DLG2: variants seen among roughly 807,000 people sequenced by gnomAD.
DLG2 encodes disks large homolog 2.
Under a neutral mutation model 132.5 loss-of-function variants are expected in DLG2, and 45 were observed. That is an observed-to-expected ratio of 0.34 (90% CI 0.27 to 0.44). The LOEUF (loss-of-function observed/expected upper bound fraction) is 0.44, where lower values mean the gene tolerates loss of function less well. Among genes scored for constraint, DLG2 ranks in the 20% least tolerant of loss-of-function variants. The probability of loss-of-function intolerance (pLI) is 1.00; values close to 1 mark genes in which losing one functional copy is unlikely to be tolerated. For missense variants in DLG2, 1,045 were observed against 1,196.9 expected (o/e 0.87, Z 1.87); for synonymous variants, 424 against 419.6 (o/e 1.01, Z -0.13).
chr11:84,527,010 C>T (rs1361743801), intron 7 of DLG2, among the ~76,000 whole-genome samples: 1 of 152,090 alleles, frequency 6.6e-6, no homozygotes, highest in Non-Finnish European at 1.5e-5. Flanking sequence ...GATCTCCTGA[C>T]CTCATGATCC....
At chr11:84,379,122 C>T (rs1441172284) in intron 7 of DLG2, among the ~76,000 whole-genome samples, 1 of 152,016 alleles carries the variant, frequency 6.6e-6, no homozygotes, top group African/African-American at 2.4e-5. Context: ...AAGACATAAA[C>T]TCTAAATAAA....
chr11:84,567,139 C>T (rs1426791798), intron 6 of DLG2, among the ~76,000 whole-genome samples: 2 of 152,012 alleles, frequency 1.3e-5, no homozygotes, highest in Non-Finnish European at 2.9e-5. Flanking sequence ...GGTATAAATG[C>T]TAGCCTTTAA....
intron 10 of DLG2, among the ~76,000 whole-genome samples, chr11:84,071,570 T>C (rs982190948): frequency 1.1e-4 from 17 of 152,172 alleles, no homozygotes; most frequent in African/African-American, 3.6e-4. Context: ...TTCTACCTAA[T>C]TCTAGCCCTT....
intron 3 of DLG2, among the ~76,000 whole-genome samples, chr11:85,527,171 TTTTTA>T (rs2074824346): frequency 7.1e-6 from 1 of 141,724 alleles, no homozygotes; most frequent in African/African-American, 2.7e-5. Context: ...CTAAAGGATG[TTTTTA>T]TTTTTTTTTT....
chr11:84,299,670 C>T (rs2098130928), intron 7 of DLG2, among the ~76,000 whole-genome samples: 1 of 152,162 alleles, frequency 6.6e-6, no homozygotes, highest in Non-Finnish European at 1.5e-5. Flanking sequence ...AATTGTTATA[C>T]TTGCGTTTGA....
chr11:84,772,180 G>GGGCATTAC (rs2069537805), intron 6 of DLG2, among the ~76,000 whole-genome samples: 1 of 151,628 alleles, frequency 6.6e-6, no homozygotes, highest in African/African-American at 2.4e-5. Context: ...AAAAAAAGAA[G>GGGCATTAC]GGCATTACGT....
chr11:83,856,552 G>A (rs2060562648), intron 16 of DLG2, among the ~76,000 whole-genome samples: 1 of 152,120 alleles, frequency 6.6e-6, no homozygotes. Context: ...GTATCTCATT[G>A]TGGTTTTTTG....
chr11:84,954,962 G>A (rs10219431), intron 6 of DLG2, among the ~76,000 whole-genome samples: 16,351 of 152,142 alleles, frequency 0.11, 1,076 homozygotes, highest in Middle Eastern at 0.15. Context: ...AATATTTCTG[G>A]TTTTGTGAGC....
chr11:84,173,687 C>A (rs990880887), intron 8 of DLG2, among the ~76,000 whole-genome samples: 1 of 152,112 alleles, frequency 6.6e-6, no homozygotes, highest in Non-Finnish European at 1.5e-5. Flanking sequence ...CTCCTCAATC[C>A]TCTGCAGCTT....
At chr11:84,449,948 A>C (rs1160948349) in intron 7 of DLG2, among the ~76,000 whole-genome samples, 1 of 151,904 alleles carries the variant, frequency 6.6e-6, no homozygotes, top group Non-Finnish European at 1.5e-5. Flanking sequence ...ATTACATTAA[A>C]ATTAAAGTAT....
intron 4 of DLG2, among the ~76,000 whole-genome samples, chr11:85,269,732 A>G (rs2077410813): frequency 6.6e-6 from 1 of 152,204 alleles, no homozygotes; most frequent in Non-Finnish European, 1.5e-5. Context: ...GAGAAGAAAA[A>G]GAATTAAATG....
At chr11:85,613,371 G>C (rs1407656603) in intron 2 of DLG2, among the ~76,000 whole-genome samples, 1 of 152,260 alleles carries the variant, frequency 6.6e-6, no homozygotes, top group East Asian at 1.9e-4. Flanking sequence ...CACAACTGCA[G>C]GGCCCCTTCT....
chr11:84,427,147 T>C (rs971743626), intron 7 of DLG2, among the ~76,000 whole-genome samples: 6 of 151,784 alleles, frequency 4.0e-5, no homozygotes, highest in African/African-American at 1.2e-4. Flanking sequence ...GCATCATTGG[T>C]GAAGAGGTAA....
intron 11 of DLG2, among the ~76,000 whole-genome samples, chr11:84,058,493 C>CA (rs1198051088): frequency 2.7e-5 from 2 of 74,174 alleles, no homozygotes; most frequent in Non-Finnish European, 6.5e-5. Flanking sequence ...CTGTCTCTAC[C>CA]AAAAAACAAA....
chr11:84,292,946 T>C (rs1345584475), intron 7 of DLG2, among the ~76,000 whole-genome samples: 2 of 152,166 alleles, frequency 1.3e-5, no homozygotes, highest in African/African-American at 4.8e-5. Flanking sequence ...AATCTCATAA[T>C]ATTTTAAGAA....
chr11:83,633,873 T>C (rs1247363923), intron 18 of DLG2, among the ~76,000 whole-genome samples: 1 of 151,872 alleles, frequency 6.6e-6, no homozygotes, highest in African/African-American at 2.4e-5. Flanking sequence ...AATGTTACTA[T>C]TGGGAGAAAC....
chr11:84,429,023 A>T (rs1340648653), intron 7 of DLG2, among the ~76,000 whole-genome samples: 3 of 152,272 alleles, frequency 2.0e-5, no homozygotes, highest in African/African-American at 7.2e-5. Context: ...CAATGCTATA[A>T]AATGCCTCAT....
chr11:85,099,989 A>G (rs2070607472), intron 6 of DLG2, among the ~76,000 whole-genome samples: 1 of 152,214 alleles, frequency 6.6e-6, no homozygotes, highest in Non-Finnish European at 1.5e-5. Context: ...CAGGAACTCA[A>G]GTAGCCAAAA....
chr11:85,344,379 G>A (rs7940610), intron 3 of DLG2, among the ~76,000 whole-genome samples: 17,151 of 152,052 alleles, frequency 0.11, 1,152 homozygotes, highest in African/African-American at 0.19. Flanking sequence ...GTTTTGTTAC[G>A]GGAATTAGAG....
Sources: gnomAD v4.1 joint callset for allele counts (sites outside exome capture counted in the v4.1 genomes callset) on GRCh38, gnomAD v4.1.1 for gene constraint, MANE v1.5 for transcripts, NCBI Gene and HGNC (gene_info 2026-07-23, HGNC 2026-07-21) for gene names.